The following EPB41L3 variants were observed in gnomAD, a reference collection of about 807,000 sequenced individuals.
The protein encoded by EPB41L3 is band 4.1-like protein 3.
EPB41L3 carries 57 observed loss-of-function variants against 127.1 expected under a neutral mutation model. The ratio of observed to expected loss-of-function variants is 0.45; its 90% confidence interval spans 0.36 to 0.56. EPB41L3 has a LOEUF of 0.56. EPB41L3 is among the 20% of genes least tolerant of loss of function. The probability of loss-of-function intolerance (pLI) is 0.00; values close to 1 mark genes in which losing one functional copy is unlikely to be tolerated. For missense variants in EPB41L3, 1,273 were observed against 1,372.2 expected (o/e 0.93, Z 1.14); for synonymous variants, 572 against 549.5 (o/e 1.04, Z -0.57).
chr18:5,572,329 T>C (rs967002604), intron 3 of EPB41L3, among the ~76,000 whole-genome samples: 10 of 152,218 alleles, frequency 6.6e-5, no homozygotes, highest in African/African-American at 1.7e-4. Context: ...ATTAAAAATA[T>C]ACATTTACCC....
chr18:5,424,338 T>C lies in EPB41L3; in HGVS notation c.1087A>G (p.Ile363Val). 6.2e-7 allele frequency: 1 copy of C among 1,605,078 alleles called. No individual in the cohort carries two copies. The highest frequency in any genetic ancestry group is 1.7e-4 in the Middle Eastern group (1 of 6,026). The change falls in exon 10 of 23, where the codon ATT (isoleucine) becomes GTT (valine). Residue 363 changes from isoleucine to valine, a missense_variant. Physicochemically the swap from Ile to Val is conservative, Grantham distance 29. Around this residue, in one of 3 missense-constraint regions of EPB41L3, gnomAD observed 326 missense variants for 440.2 expected, o/e 0.74. Coordinates refer to ENST00000341928, the MANE Select transcript of EPB41L3 (RefSeq NM_012307.5). ...CGATGGTTTGGCAGCTTAAACCCAA[T>C]GGTGCTTTCAAATTGTTCAAACTAA... ...PGEFEQFESTIGFKLPNHRAA... is the reference protein window; with the variant it reads ...PGEFEQFESTVGFKLPNHRAA...
chr18:5,568,171 G>A (rs1460480562), intron 3 of EPB41L3, among the ~76,000 whole-genome samples: 3 of 152,020 alleles, frequency 2.0e-5, no homozygotes, highest in East Asian at 3.9e-4. Flanking sequence ...TAACATAAAA[G>A]TGATGTTTGG....
chr18:5,493,006 G>A (rs187162484), intron 1 of EPB41L3, among the ~76,000 whole-genome samples: 226 of 152,192 alleles, frequency 1.5e-3, no homozygotes, highest in Non-Finnish European at 2.5e-3. Context: ...ATAAAAAGAC[G>A]GTCATTGCCA....
Position 5,433,475 on chromosome 18 carries a change from A to T in EPB41L3, c.906T>A (p.His302Gln), listed in dbSNP as rs529409638. The change falls in exon 8 of 23, where the codon CAT becomes CAA. Residue 302 changes from histidine to glutamine, a missense_variant. Coordinates refer to ENST00000341928, the MANE Select transcript of EPB41L3 (RefSeq NM_012307.5). ...KLSMYGVDLH[H>Q]AKDSEGVEIM... The stretch of plus-strand genomic sequence containing the variant: ...GGTTTAAAAAGATGCATACCTTAGC[A>T]TGATGTAAATCTACCCCATACATTG... The T allele has an allele frequency of 6.8e-6, 11 of 1,610,704 alleles. No individual in the cohort carries two copies. The highest frequency in any genetic ancestry group is 9.3e-6 in the Non-Finnish European group (11 of 1,177,390).
chr18:5,402,030 T>C (rs144963250), intron 16 of EPB41L3, among the ~76,000 whole-genome samples: 2 of 152,200 alleles, frequency 1.3e-5, no homozygotes, highest in East Asian at 3.9e-4. Context: ...AATCTACCAG[T>C]ACTACATTTA....
chr18:5,612,313 G>A (rs952139086), intron 3 of EPB41L3: 2 of 152,204 alleles, frequency 1.3e-5, no homozygotes, highest in African/African-American at 4.8e-5. Context: ...AAAAGACACT[G>A]GAAGAAATCA....
intron 5 of EPB41L3, among the ~76,000 whole-genome samples, chr18:5,440,710 T>C (rs894322499): frequency 1.3e-5 from 2 of 152,242 alleles, no homozygotes; most frequent in Non-Finnish European, 2.9e-5. Context: ...AAATTTCTAA[T>C]ATACTGCATT....
intron 3 of EPB41L3, among the ~76,000 whole-genome samples, chr18:5,583,705 T>TAATC (rs2094416447): frequency 6.6e-6 from 1 of 152,226 alleles, no homozygotes; most frequent in South Asian, 2.1e-4. Context: ...ATTGATGGGG[T>TAATC]AATCATACAG....
intron 3 of EPB41L3, among the ~76,000 whole-genome samples, chr18:5,561,029 G>GTGCGGAC (rs1221565695): frequency 2.3e-5 from 3 of 129,148 alleles, no homozygotes; most frequent in Non-Finnish European, 3.5e-5. Context: ...CCAGGCTGGA[G>GTGCGGAC]TGCAGTGGCG....
At chr18:5,522,198 G>A (rs952454050) in intron 1 of EPB41L3, among the ~76,000 whole-genome samples, 2 of 152,120 alleles carry the variant, frequency 1.3e-5, no homozygotes, top group African/African-American at 4.8e-5. Flanking sequence ...CCGCCTCCCA[G>A]GTTCAAGCAA....
intron 3 of EPB41L3, among the ~76,000 whole-genome samples, chr18:5,551,948 G>C (rs2093971876): frequency 6.6e-6 from 1 of 152,180 alleles, no homozygotes; most frequent in South Asian, 2.1e-4. Flanking sequence ...CATTCCCCAA[G>C]TGACTTTTAG....
chr18:5,440,071 A>G (rs912183502), intron 5 of EPB41L3, among the ~76,000 whole-genome samples: 11 of 152,226 alleles, frequency 7.2e-5, no homozygotes, highest in African/African-American at 2.2e-4. Flanking sequence ...TAGTGAGCCG[A>G]AGAAATACCT....
chr18:5,484,190 G>T (rs921149253), intron 2 of EPB41L3, among the ~76,000 whole-genome samples: 5 of 138,286 alleles, frequency 3.6e-5, no homozygotes, highest in Non-Finnish European at 6.2e-5. Flanking sequence ...TCAGTAAGAG[G>T]AACCTCAGAA....
At chr18:5,610,683 A>G (rs2094715319) in intron 3 of EPB41L3, among the ~76,000 whole-genome samples, 1 of 142,218 alleles carries the variant, frequency 7.0e-6, no homozygotes, top group African/African-American at 2.5e-5. Flanking sequence ...GACTAAAACA[A>G]TTCTAATTAC....
intron 3 of EPB41L3, among the ~76,000 whole-genome samples, chr18:5,475,446 A>G (rs1307097284): frequency 6.6e-6 from 1 of 152,238 alleles, no homozygotes; most frequent in African/African-American, 2.4e-5. Context: ...ATTGAAACAC[A>G]GCCCTGAAGG....
At chr18:5,535,166 T>C (rs1273958605) in intron 1 of EPB41L3, among the ~76,000 whole-genome samples, 1 of 151,972 alleles carries the variant, frequency 6.6e-6, no homozygotes, top group African/African-American at 2.4e-5. Context: ...AGTGGAACAG[T>C]TTCTTCCTGA....
intron 19 of EPB41L3, 63 bp from the exon 20 acceptor site, chr18:5,395,770 T>C: frequency 7.7e-7 from 1 of 1,306,002 alleles, no homozygotes; most frequent in South Asian, 1.2e-5. Context: ...AGAAGTTGGC[T>C]ACGTTATTTA....
At chr18:5,574,950 A>G (rs2094322984) in intron 3 of EPB41L3, among the ~76,000 whole-genome samples, 1 of 152,146 alleles carries the variant, frequency 6.6e-6, no homozygotes, top group Non-Finnish European at 1.5e-5. Context: ...CAGCTCTCAC[A>G]GCAATTACAT....
At chr18:5,559,486 G>A (rs1235817940) in intron 3 of EPB41L3, among the ~76,000 whole-genome samples, 1 of 152,098 alleles carries the variant, frequency 6.6e-6, no homozygotes, top group Admixed American at 6.6e-5. Flanking sequence ...ACAAAAAATG[G>A]CAATTTTTTG....
Sources: gnomAD v4.1 joint callset for allele counts (sites outside exome capture counted in the v4.1 genomes callset) on GRCh38, gnomAD v4.1.1 for gene constraint, gnomAD v4.1.1 regional missense constraint, MANE v1.5 for transcripts, NCBI Gene and HGNC (gene_info 2026-07-23, HGNC 2026-07-21) for gene names.